Variants in FANCI observed in about 807,000 individuals in gnomAD.
FANCI encodes Fanconi anemia group I protein.
A neutral mutation model predicts 176.1 loss-of-function variants in FANCI; 156 were observed. The observed-to-expected ratio is 0.89, with a 90% confidence interval of 0.78 to 1.01. The LOEUF is 1.01. Among genes scored for constraint, FANCI ranks in the 50% least tolerant of loss-of-function variants. The pLI is 0.00. For missense variants in FANCI, 1,678 were observed against 1,534.1 expected, an observed-to-expected ratio of 1.09 and a Z score of -1.57; for synonymous variants, 613 against 541.7, an observed-to-expected ratio of 1.13 and a Z score of -1.83.
chr15:89,258,148 A>G (rs997687379), intron 2 of FANCI, among the ~76,000 whole-genome samples: 1 of 151,934 alleles, frequency 6.6e-6, no homozygotes, highest in Non-Finnish European at 1.5e-5. Flanking sequence ...ACGTGATCAT[A>G]CTTCCATCTG....
rs2053683688 is a variant in FANCI at position 89,283,255 on chromosome 15, G to T, written c.1698+5G>T. The T allele has an allele frequency of 3.1e-6, 5 of 1,613,878 alleles. No homozygotes were observed. Among genetic ancestry groups the T allele is most frequent in the Non-Finnish European group, 4.2e-6 (5 of 1,179,922 alleles). Reference sequence around the variant, plus strand: ...CAGTCTCTCAGTGTCAGTCAGGTAAGGATTATTTACGTTAACTTGCAGTGT... The same window carrying T: ...CAGTCTCTCAGTGTCAGTCAGGTAATGATTATTTACGTTAACTTGCAGTGT... On this transcript the variant is annotated splice_donor_5th_base_variant and intron_variant, in intron 17 of 37. Transcript: ENST00000310775.
Position 89,263,409 on chromosome 15 carries a change from C to T in FANCI, c.504-10C>T. The T allele has an allele frequency of 6.2e-7, 1 of 1,610,466 alleles. No individual in the cohort carries two copies. The highest frequency in any genetic ancestry group is 1.3e-5 in the African/African-American group (1 of 74,926). Reference sequence around the variant, plus strand: ...GTAAAGAAATAAACTTTGTCATTTTCTTCTACCAGGTGGGATCAGCAATAT... The same window carrying T: ...GTAAAGAAATAAACTTTGTCATTTTTTTCTACCAGGTGGGATCAGCAATAT... On this transcript the variant is annotated splice_polypyrimidine_tract_variant and intron_variant, in intron 6 of 37. Coordinates refer to ENST00000310775, the MANE Select transcript of FANCI (RefSeq NM_001113378.2).
At position 89,268,427 on chromosome 15, in the gene FANCI, G is replaced by A; in HGVS notation, c.784G>A (p.Gly262Ser). The A allele has an allele frequency of 6.2e-7, 1 of 1,614,178 alleles. No individual in the cohort carries two copies. Among genetic ancestry groups the A allele is most frequent in the African/African-American group, 1.3e-5 (1 of 75,040 alleles). The change falls in exon 10 of 38, where the codon GGT becomes AGT. Residue 262 changes from glycine to serine, a missense_variant. By Grantham distance (56) the Gly-to-Ser change is moderately conservative. Around this residue, in one of 3 missense-constraint regions of FANCI, gnomAD observed 469 missense variants for 436.9 expected, o/e 1.07. Coordinates refer to ENST00000310775, the MANE Select transcript of FANCI (RefSeq NM_001113378.2). ...ELLDVVTVPS[G>S]ELRHVEGTII... The stretch of plus-strand genomic sequence containing the variant: ...ATTGGATGTTGTCACTGTGCCATCA[G>A]GTGAACTTCGTCATGTGGAAGGCAC...
chr15:89,312,850 C>A, intron 34 of FANCI, 54 bp from the exon 35 acceptor site: 1 of 1,410,086 alleles, frequency 7.1e-7, no homozygotes, highest in Non-Finnish European at 1.0e-6. Flanking sequence ...CACTAGCATG[C>A]TAGCTCCACA....
chr15:89,316,716 CT>C lies in FANCI; in HGVS notation c.*258del. 1 of 1,552,436 alleles carries C rather than the reference CT, an allele frequency of 6.4e-7. No homozygotes were observed. Among genetic ancestry groups the C allele is most frequent in the Non-Finnish European group, 8.9e-7 (1 of 1,123,832 alleles). ...GGGAGCCTGCACCACCCCGATGAAG[CT>C]CCACGGGAGCAAATACAGAGCCTCC... On this transcript the variant is annotated 3_prime_UTR_variant, in exon 38 of 38. Coordinates refer to ENST00000310775, the MANE Select transcript of FANCI (RefSeq NM_001113378.2).
chr15:89,252,680 C>G (rs1387595745), intron 2 of FANCI, among the ~76,000 whole-genome samples: 8 of 152,192 alleles, frequency 5.3e-5, no homozygotes, highest in Non-Finnish European at 1.2e-4. Flanking sequence ...GTGGAAGTTG[C>G]AGTGAGCTGA....
chr15:89,274,323 T>A lies in FANCI; in HGVS notation c.1112+19T>A. ...AGAATAGGTAAGTTGGTGAACCATA[T>A]CTCAAAAGGTTTATAAGGTGTTTAA... is the stretch of plus-strand genomic sequence containing the variant. On this transcript the variant is annotated intron_variant, in intron 12 of 37. Transcript: ENST00000310775. 1 of 1,612,740 alleles carries A rather than the reference T, an allele frequency of 6.2e-7. No individual in the cohort carries two copies. Among genetic ancestry groups the A allele is most frequent in the Non-Finnish European group, 8.5e-7 (1 of 1,179,376 alleles).
At chr15:89,295,732 G>GCCCCCCCCCCCCCC (rs150758657) in intron 24 of FANCI, among the ~76,000 whole-genome samples, 1 of 114,460 alleles carries the variant, frequency 8.7e-6, no homozygotes, top group Non-Finnish European at 1.9e-5. Context: ...TTCCCCTGGC[G>GCCCCCCCCCCCCCC]CCCCCCCCAC....
chr15:89,275,022 G>A (rs925392082), intron 12 of FANCI, among the ~76,000 whole-genome samples: 1 of 151,104 alleles, frequency 6.6e-6, no homozygotes, highest in Non-Finnish European at 1.5e-5. Flanking sequence ...CTCAAGTGAT[G>A]CTCCCACCTC....
At chr15:89,296,112 G>T (rs115050147) in intron 24 of FANCI, among the ~76,000 whole-genome samples, 2 of 151,754 alleles carry the variant, frequency 1.3e-5, no homozygotes, top group Non-Finnish European at 2.9e-5. Context: ...GGATTACAGG[G>T]CACCACCATG....
chr15:89,268,417 T>C lies in FANCI; in HGVS notation c.774T>C (p.Thr258=). The change falls in exon 10 of 38, where the codon ACT becomes ACC. Residue 258 remains threonine, a synonymous_variant. Coordinates refer to ENST00000310775, the MANE Select transcript of FANCI (RefSeq NM_001113378.2). ...CTTTTAGGCTATTGGATGTTGTCAC[T>C]GTGCCATCAGGTGAACTTCGTCATG... is the stretch of plus-strand genomic sequence containing the variant. ...QSGDELLDVV[T]VPSGELRHVE... The C allele has an allele frequency of 6.2e-7, 1 of 1,614,228 alleles. No homozygotes were observed. Among genetic ancestry groups the C allele is most frequent in the African/African-American group, 1.3e-5 (1 of 75,066 alleles).
chr15:89,316,680 A>T lies in FANCI; in HGVS notation c.*221A>T, dbSNP rs910945798. The T allele has an allele frequency of 3.3e-5, 45 of 1,350,630 alleles. No homozygotes were observed. Among genetic ancestry groups the T allele is most frequent in the Admixed American group, 2.1e-4 (12 of 58,344 alleles). 83.7% of individuals were successfully genotyped at this position (1,350,630 alleles called of 1,614,324 possible). On this transcript the variant is annotated 3_prime_UTR_variant, in exon 38 of 38. Transcript: ENST00000310775. ...CCCTTTTGCAAAAAGCACAGCTGAA[A>T]GCCTGAGTTTGGGAGCCTGCACCAC...
intron 3 of FANCI, among the ~76,000 whole-genome samples, chr15:89,259,814 TG>T (rs2151236936): frequency 6.6e-6 from 1 of 152,374 alleles, no homozygotes; most frequent in African/African-American, 2.4e-5. Flanking sequence ...TGTTGTAATA[TG>T]TATCAGTACT....
At chr15:89,263,637 A>C (rs2052812346) in intron 7 of FANCI, among the ~76,000 whole-genome samples, 177 bp downstream of exon 7, 1 of 152,168 alleles carries the variant, frequency 6.6e-6, no homozygotes, top group Non-Finnish European at 1.5e-5. Context: ...TTTTGGCTTT[A>C]CTTACTTATT....
chr15:89,255,598 G>A (rs1008508214), intron 2 of FANCI, among the ~76,000 whole-genome samples: 2 of 152,042 alleles, frequency 1.3e-5, no homozygotes, highest in East Asian at 3.8e-4. Context: ...TTGTGAGACC[G>A]CATAAACTCA....
At position 89,295,024 on chromosome 15, in the gene FANCI, A is replaced by T. The variant is rs541976745; in HGVS notation, c.2566A>T (p.Thr856Ser). 1 of 1,552,308 alleles carries T rather than the reference A, an allele frequency of 6.4e-7. No individual in the cohort carries two copies. ...ALQKVQQLKE[T>S]GHVSGPDGQN... Reference sequence around the variant, plus strand: ...GCAGAAAGTACAGCAGCTAAAGGAAACAGGGCATGTGAGTGGCCCTGATGG... The same window carrying T: ...GCAGAAAGTACAGCAGCTAAAGGAATCAGGGCATGTGAGTGGCCCTGATGG... Residue 856 changes from threonine to serine, a missense_variant, in exon 24 of 38, where the codon ACA (threonine) becomes TCA (serine). Thr to Ser is a moderately conservative substitution (Grantham distance 58). This residue lies in a region of FANCI where 1,204 missense variants were observed against 1,077.4 expected (regional missense o/e 1.12). Transcript: ENST00000310775.
chr15:89,288,578 A>T (rs548696596), intron 18 of FANCI, among the ~76,000 whole-genome samples: 163 of 150,970 alleles, frequency 1.1e-3, no homozygotes, highest in Non-Finnish European at 1.9e-3. Flanking sequence ...ATTTTTGGTT[A>T]CTAAATCTAT....
Position 89,292,995 on chromosome 15 carries a change from CTG to C in FANCI, c.2226_2227del (p.Ala743PhefsTer8). On this transcript the variant is annotated frameshift_variant, in exon 22 of 38. Coordinates refer to ENST00000310775, the MANE Select transcript of FANCI (RefSeq NM_001113378.2). LOFTEE classifies it high-confidence loss of function. ...STSIGIKNNI[C>X]AFLVMGVCEV... ...CCAGTATTGGCATAAAAAATAATAT[CTG>C]TGCTTTTCTTGTGATGGGAGTTTGT... 2 of 1,613,912 alleles carry C rather than the reference CTG, an allele frequency of 1.2e-6. No homozygotes were observed. Among genetic ancestry groups the C allele is most frequent in the Non-Finnish European group, 8.5e-7 (1 of 1,179,896 alleles).
In FANCI at chr15:89,268,532, T is replaced by A; in HGVS notation, c.882+7T>A. 1 of 1,614,104 alleles carries A rather than the reference T, an allele frequency of 6.2e-7. No homozygotes were observed. The highest frequency in any genetic ancestry group is 8.5e-7 in the Non-Finnish European group (1 of 1,179,990). ...ACTCGTGAAACACTTAAAGGTAGCA[T>A]CAAACTTGTAAGGTGATCTGGGTCT... On this transcript the variant is annotated splice_region_variant and intron_variant, in intron 10 of 37. Transcript: ENST00000310775.
Sources: gnomAD v4.1 joint callset for allele counts (sites outside exome capture counted in the v4.1 genomes callset) on GRCh38, gnomAD v4.1.1 for gene constraint, gnomAD v4.1.1 regional missense constraint, MANE v1.5 for transcripts, NCBI Gene and HGNC (gene_info 2026-07-23, HGNC 2026-07-21) for gene names.